ADPGK: variants seen among roughly 807,000 people sequenced by gnomAD.
The protein encoded by ADPGK is ADP dependent glucokinase, also known as ADP-dependent glucokinase.
In ADPGK, 26 loss-of-function variants were observed where a neutral mutation model predicts 42.4. The observed-to-expected ratio is 0.61, with a 90% confidence interval of 0.45 to 0.85. ADPGK has a LOEUF of 0.85. Among genes scored for constraint, ADPGK ranks in the 40% least tolerant of loss-of-function variants. The pLI is 0.00. For missense variants in ADPGK, 571 were observed against 627.0 expected (o/e 0.91, Z 0.95); for synonymous variants, 267 against 252.6 (o/e 1.06, Z -0.54).
chr15:72,762,894 G>A (rs929829209), intron 3 of ADPGK, among the ~76,000 whole-genome samples: 1 of 152,162 alleles, frequency 6.6e-6, no homozygotes, highest in African/African-American at 2.4e-5. Context: ...TGAGGCAGGA[G>A]AATCACTTGA....
At chr15:72,755,748 T>C in intron 5 of ADPGK, 94 bp from the exon 6 acceptor site, 11 of 964,734 alleles carry the variant, frequency 1.1e-5, no homozygotes, top group Non-Finnish European at 1.8e-5. Context: ...CGGTTCCTCC[T>C]GGTAATGGCC....
chr15:72,772,803 A>G (rs2066344706), intron 2 of ADPGK, among the ~76,000 whole-genome samples: 1 of 152,144 alleles, frequency 6.6e-6, no homozygotes. Flanking sequence ...TCCCTTAAAC[A>G]CCACATCTCT....
intron 1 of ADPGK, among the ~76,000 whole-genome samples, chr15:72,776,414 G>A (rs747046315): frequency 2.0e-5 from 3 of 152,108 alleles, no homozygotes; most frequent in African/African-American, 4.8e-5. Flanking sequence ...CTAGTGATAC[G>A]GGTGACTGGG....
intron 2 of ADPGK, among the ~76,000 whole-genome samples, chr15:72,773,502 A>G (rs1242883770): frequency 6.6e-6 from 1 of 152,216 alleles, no homozygotes; most frequent in Admixed American, 6.5e-5. Flanking sequence ...CTTAAACTAT[A>G]AGGAAGTATG....
At chr15:72,761,307 A>G (rs1169152962) in intron 3 of ADPGK, among the ~76,000 whole-genome samples, 1 of 152,182 alleles carries the variant, frequency 6.6e-6, no homozygotes, top group Non-Finnish European at 1.5e-5. Context: ...AAACTGTTTG[A>G]GTTTTTATAC....
At position 72,783,698 on chromosome 15, in the gene ADPGK, C is replaced by T; in HGVS notation, c.-7G>A. On this transcript the variant is annotated 5_prime_UTR_variant, in exon 1 of 7. Coordinates refer to ENST00000456471, the MANE Select transcript of ADPGK (RefSeq NM_001365225.1). The stretch of plus-strand genomic sequence containing the variant: ...AGCCGCGCCACAGCGCCATGGGGAC[C>T]CAGGCGCCGCACCTGCGCGAACCAA... 6.8e-7 allele frequency: 1 copy of T among 1,467,036 alleles called. No homozygotes were observed. The highest frequency in any genetic ancestry group is 9.0e-7 in the Non-Finnish European group (1 of 1,116,132). The allele number at this position is 1,467,036 out of a possible 1,614,324, so 90.9% of individuals were successfully genotyped here.
At chr15:72,760,307 G>C (rs1243665002) in intron 4 of ADPGK, 100 bp downstream of exon 4, 3 of 1,390,772 alleles carry the variant, frequency 2.2e-6, no homozygotes, top group Non-Finnish European at 2.9e-6. Context: ...ACAGGATCCT[G>C]CTAATTTACA....
intron 3 of ADPGK, among the ~76,000 whole-genome samples, chr15:72,768,666 A>C (rs561432353): frequency 6.6e-6 from 1 of 151,352 alleles, no homozygotes; most frequent in South Asian, 2.1e-4. Flanking sequence ...ACTCCATCTT[A>C]AGAAAAAAAA....
intron 1 of ADPGK, among the ~76,000 whole-genome samples, chr15:72,778,470 C>T (rs2066416674): frequency 6.6e-6 from 1 of 152,018 alleles, no homozygotes; most frequent in Non-Finnish European, 1.5e-5. Context: ...CAAAATTATG[C>T]TCATCTGACA....
Position 72,763,063 on chromosome 15 carries a change from G to C in ADPGK, c.523-2536C>G, listed in dbSNP as rs569915684. On this transcript the variant is annotated intron_variant, in intron 3 of 6. Transcript: ENST00000456471. The stretch of plus-strand genomic sequence containing the variant: ...AAGAATTTCCAGGTATACGGAACCT[G>C]AAAGAATTTATCACCAGCAGACTCG... Among the ~76,000 whole-genome samples, 6 of 152,318 alleles carry C rather than the reference G, an allele frequency of 3.9e-5. No homozygotes were observed. In the East Asian group the frequency reaches 1.2e-3, roughly 29 times the overall value.
intron 1 of ADPGK, among the ~76,000 whole-genome samples, chr15:72,779,931 GA>G (rs2066436523): frequency 6.6e-6 from 1 of 152,166 alleles, no homozygotes; most frequent in African/African-American, 2.4e-5. Context: ...TTTATCTTCT[GA>G]AACTTGTTTT....
chr15:72,780,136 T>C (rs953831598), intron 1 of ADPGK, among the ~76,000 whole-genome samples: 11 of 152,218 alleles, frequency 7.2e-5, no homozygotes, highest in African/African-American at 2.7e-4. Flanking sequence ...ATTTTCATAA[T>C]GCTATAATGA....
chr15:72,759,409 C>G (rs60831959), intron 4 of ADPGK, among the ~76,000 whole-genome samples: 1 of 152,214 alleles, frequency 6.6e-6, no homozygotes, highest in Non-Finnish European at 1.5e-5. Flanking sequence ...CCTACGTCAA[C>G]GCTGTGTCCC....
intron 3 of ADPGK, among the ~76,000 whole-genome samples, chr15:72,770,006 C>T (rs909878412): frequency 1.3e-5 from 2 of 152,224 alleles, no homozygotes; most frequent in African/African-American, 4.8e-5. Flanking sequence ...ATAATTACCA[C>T]CTCTGGAAAA....
intron 6 of ADPGK, 68 bp downstream of exon 6, chr15:72,755,488 C>A: frequency 8.1e-7 from 1 of 1,236,282 alleles, no homozygotes; most frequent in Non-Finnish European, 1.2e-6. Flanking sequence ...GATGGTCCCA[C>A]TGCACAAAAA....
intron 2 of ADPGK, among the ~76,000 whole-genome samples, chr15:72,772,268 G>A (rs182282695): frequency 6.6e-6 from 1 of 152,242 alleles, no homozygotes; most frequent in Admixed American, 6.5e-5. Context: ...GGCACATATG[G>A]CCTTTATCTA....
chr15:72,767,208 G>A (rs946807165), intron 3 of ADPGK, among the ~76,000 whole-genome samples: 2 of 152,156 alleles, frequency 1.3e-5, no homozygotes, highest in South Asian at 2.1e-4. Context: ...CCCTAGTAAT[G>A]ATAAAGGAAT....
chr15:72,773,350 C>T (rs1429343011), intron 2 of ADPGK, among the ~76,000 whole-genome samples: 1 of 152,108 alleles, frequency 6.6e-6, no homozygotes, highest in Non-Finnish European at 1.5e-5. Flanking sequence ...GATATGTAGG[C>T]TGAAATTTGG....
intron 2 of ADPGK, among the ~76,000 whole-genome samples, chr15:72,773,583 C>T (rs1383450391): frequency 1.3e-5 from 2 of 152,170 alleles, no homozygotes; most frequent in African/African-American, 4.8e-5. Context: ...AAAGCTAGAT[C>T]AAGTTGCTGT....
Sources: allele counts gnomAD v4.1 joint callset (sites outside exome capture counted in the v4.1 genomes callset), GRCh38; gene constraint gnomAD v4.1.1; transcripts MANE v1.5; gene names NCBI Gene and HGNC (gene_info 2026-07-23, HGNC 2026-07-21).